ARHGAP26: variants seen among roughly 807,000 people sequenced by gnomAD.
ARHGAP26 encodes Rho GTPase activating protein 26.
In ARHGAP26, 38 loss-of-function variants were observed where a neutral mutation model predicts 104.8. The ratio of observed to expected loss-of-function variants is 0.36; its 90% CI spans 0.28 to 0.48. The LOEUF is 0.48. Ranked by LOEUF, ARHGAP26 falls within the 20% of genes least tolerant of loss-of-function variation. The pLI is 0.99. For missense variants in ARHGAP26, 704 were observed against 947.9 expected (o/e 0.74, Z 3.38); for synonymous variants, 341 against 340.0 (o/e 1.00, Z -0.03).
chr5:143,061,128 A>C (rs1786640351), intron 17 of ARHGAP26, among the ~76,000 whole-genome samples: 1 of 152,242 alleles, frequency 6.6e-6, no homozygotes, highest in African/African-American at 2.4e-5. Context: ...TTTGCAAGAA[A>C]AAAATCATTC....
At chr5:143,115,283 A>T (rs1306094099) in intron 17 of ARHGAP26, among the ~76,000 whole-genome samples, 1 of 152,044 alleles carries the variant, frequency 6.6e-6, no homozygotes, top group Non-Finnish European at 1.5e-5. Flanking sequence ...CAGTGAGCCA[A>T]GATCACGCCA....
intron 14 of ARHGAP26, among the ~76,000 whole-genome samples, chr5:143,044,526 A>G (rs1395554487): frequency 2.4e-5 from 3 of 125,014 alleles, no homozygotes; most frequent in African/African-American, 9.1e-5. Flanking sequence ...GACCAGTCAC[A>G]TGGCCCATGG....
rs148285049 is a variant in ARHGAP26 at position 142,877,975 on chromosome 5, T to G, written c.313-1399T>G. On this transcript the variant is annotated intron_variant, in intron 3 of 22. Coordinates refer to ENST00000645722, the MANE Select transcript of ARHGAP26 (RefSeq NM_001135608.3). ...AATAAAAATCACAAAATCAAACAAA[T>G]TAACACCGCAACACTCTAGTCTTAA... Among the ~76,000 whole-genome samples the G allele has an allele frequency of 3.5e-3, 535 of 152,236 alleles. 1 individual carries two copies. The highest frequency in any genetic ancestry group is 0.024 in the Middle Eastern group (7 of 292).
At position 143,222,477 on chromosome 5, in the gene ARHGAP26, A is replaced by G. The variant is rs1811334487; in HGVS notation, c.*31A>G. 3 of 1,544,384 alleles carry G rather than the reference A, an allele frequency of 1.9e-6. No individual in the cohort carries two copies. The highest frequency in any genetic ancestry group is 2.6e-6 in the Non-Finnish European group (3 of 1,133,094). On this transcript the variant is annotated 3_prime_UTR_variant, in exon 23 of 23. Transcript: ENST00000645722. Reference sequence around the variant, plus strand: ...GGCCCCAGCAGAACTGCTGAGCTTTACATGGTATCCATGACAACTGCTGAT... The same window carrying G: ...GGCCCCAGCAGAACTGCTGAGCTTTGCATGGTATCCATGACAACTGCTGAT...
At chr5:143,033,426 T>C (rs1337684833) in intron 12 of ARHGAP26, among the ~76,000 whole-genome samples, 4 of 152,188 alleles carry the variant, frequency 2.6e-5, no homozygotes, top group Admixed American at 6.5e-5. Context: ...TTTTATTCTT[T>C]TCCAGTAAAT....
At chr5:142,811,915 C>T (rs1764148112) in intron 1 of ARHGAP26, among the ~76,000 whole-genome samples, 1 of 152,160 alleles carries the variant, frequency 6.6e-6, no homozygotes, top group Admixed American at 6.5e-5. Context: ...TTGAAACCTC[C>T]CAGCTCTAGG....
At chr5:143,019,694 C>T (rs1205296668) in intron 12 of ARHGAP26, among the ~76,000 whole-genome samples, 4 of 152,180 alleles carry the variant, frequency 2.6e-5, no homozygotes, top group Non-Finnish European at 5.9e-5. Flanking sequence ...GAAGGGCAGG[C>T]TCTTACAGTG....
chr5:143,172,180 A>C (rs900084523), intron 20 of ARHGAP26, among the ~76,000 whole-genome samples: 3 of 152,194 alleles, frequency 2.0e-5, no homozygotes, highest in Admixed American at 6.5e-5. Context: ...CAAATTCTGT[A>C]CATGCATGCG....
intron 18 of ARHGAP26, among the ~76,000 whole-genome samples, chr5:143,133,485 C>T (rs888427726): frequency 6.6e-6 from 1 of 152,120 alleles, no homozygotes; most frequent in Non-Finnish European, 1.5e-5. Flanking sequence ...GGTGCCCTGC[C>T]CTGGGACCCT....
chr5:142,992,588 C>A (rs555730946), intron 11 of ARHGAP26, among the ~76,000 whole-genome samples: 5 of 151,790 alleles, frequency 3.3e-5, no homozygotes, highest in Admixed American at 3.3e-4. Flanking sequence ...CCACCATGCC[C>A]GGCTAATTTT....
At chr5:142,947,978 C>T (rs561470769) in intron 11 of ARHGAP26, among the ~76,000 whole-genome samples, 1 of 152,210 alleles carries the variant, frequency 6.6e-6, no homozygotes, top group African/African-American at 2.4e-5. Flanking sequence ...TGTGATTGCA[C>T]CTGTGAATGG....
At chr5:142,834,834 A>T (rs905619855) in intron 1 of ARHGAP26, among the ~76,000 whole-genome samples, 5 of 152,278 alleles carry the variant, frequency 3.3e-5, no homozygotes, top group Admixed American at 6.5e-5. Flanking sequence ...TCCAACTCTG[A>T]ATGGGAGGAA....
At chr5:142,950,928 T>G (rs75579803) in intron 11 of ARHGAP26, among the ~76,000 whole-genome samples, 1 of 152,178 alleles carries the variant, frequency 6.6e-6, no homozygotes, top group Non-Finnish European at 1.5e-5. Flanking sequence ...GGTAGATCTT[T>G]GAGAAGTGAG....
intron 5 of ARHGAP26, among the ~76,000 whole-genome samples, chr5:142,886,038 G>A (rs180734723): frequency 1.6e-4 from 25 of 152,288 alleles, no homozygotes; most frequent in South Asian, 8.3e-4. Flanking sequence ...CATCGCAGCC[G>A]TGGAGCTGTG....
At chr5:142,920,193 T>TA (rs1484285914) in intron 10 of ARHGAP26, among the ~76,000 whole-genome samples, 1 of 152,164 alleles carries the variant, frequency 6.6e-6, no homozygotes, top group Non-Finnish European at 1.5e-5. Context: ...ATTTCTGGGT[T>TA]AAAAAATGGG....
intron 12 of ARHGAP26, among the ~76,000 whole-genome samples, chr5:143,034,723 CTTATGGTATATGAAG>C (rs1294260291): frequency 1.3e-5 from 2 of 151,668 alleles, no homozygotes; most frequent in Non-Finnish European, 2.9e-5. Context: ...AATGGGTAAA[CTTATGGTATATGAAG>C]TATATACCAA....
intron 12 of ARHGAP26, among the ~76,000 whole-genome samples, chr5:143,027,571 T>C (rs1297385285): frequency 6.6e-6 from 1 of 152,132 alleles, no homozygotes; most frequent in Non-Finnish European, 1.5e-5. Flanking sequence ...CCTCAGTTTA[T>C]TTAAAAAAGA....
chr5:143,113,725 T>C (rs974928229), intron 17 of ARHGAP26, among the ~76,000 whole-genome samples: 2 of 152,234 alleles, frequency 1.3e-5, no homozygotes, highest in Non-Finnish European at 2.9e-5. Context: ...CAGGCATAAA[T>C]GCTCTTTCTC....
intron 9 of ARHGAP26, 151 bp from the exon 10 acceptor site, chr5:142,913,048 A>G: frequency 8.8e-6 from 6 of 679,260 alleles, no homozygotes; most frequent in Admixed American, 2.3e-5. Context: ...TGTCCTGGAA[A>G]GGTTTATAGT....
Sources: gnomAD v4.1 joint callset for allele counts (sites outside exome capture counted in the v4.1 genomes callset) on GRCh38, gnomAD v4.1.1 for gene constraint, MANE v1.5 for transcripts, NCBI Gene and HGNC (gene_info 2026-07-23, HGNC 2026-07-21) for gene names.